ELMO1: variants seen among roughly 807,000 people sequenced by gnomAD.
ELMO1 encodes the protein engulfment and cell motility 1.
ELMO1 carries 26 observed loss-of-function variants against 98.9 expected under a neutral mutation model. That is an observed-to-expected ratio of 0.26 (90% CI 0.19 to 0.36). The LOEUF is 0.36. ELMO1 is among the 10% of genes least tolerant of loss of function. The probability of loss-of-function intolerance (pLI) is 1.00; values close to 1 mark genes in which losing one functional copy is unlikely to be tolerated. For missense variants in ELMO1, 627 were observed against 935.2 expected, an observed-to-expected ratio of 0.67 and a Z score of 4.30; for synonymous variants, 346 against 346.0, an observed-to-expected ratio of 1.00 and a Z score of 0.00.
chr7:37,118,264 C>G (rs747461875), intron 14 of ELMO1, among the ~76,000 whole-genome samples: 1 of 152,146 alleles, frequency 6.6e-6, no homozygotes, highest in Non-Finnish European at 1.5e-5. Context: ...TGTTGTCCTG[C>G]GAGGGATCCA....
At chr7:36,884,062 C>T (rs191897004) in intron 18 of ELMO1, among the ~76,000 whole-genome samples, 45 of 152,290 alleles carry the variant, frequency 3.0e-4, no homozygotes, top group African/African-American at 9.1e-4. Flanking sequence ...TGGCTCACGC[C>T]TGTAATCCCA....
At chr7:37,116,818 G>A (rs1785630469) in intron 14 of ELMO1, 1 of 158,114 alleles carries the variant, frequency 6.3e-6, no homozygotes, top group Non-Finnish European at 1.4e-5. Flanking sequence ...AAGGCAGCCT[G>A]GGTCATCCTA....
intron 7 of ELMO1, among the ~76,000 whole-genome samples, chr7:37,241,237 G>A (rs894080014): frequency 8.6e-5 from 13 of 151,942 alleles, no homozygotes; most frequent in Non-Finnish European, 1.8e-4. Context: ...TTAATGAGGC[G>A]ACCATTTTTA....
chr7:36,877,179 G>C (rs1804051771), intron 19 of ELMO1, among the ~76,000 whole-genome samples: 1 of 152,202 alleles, frequency 6.6e-6, no homozygotes. Context: ...ACGCTTATCT[G>C]AACACTGCAA....
At chr7:37,358,507 C>T (rs767550684) in intron 1 of ELMO1, among the ~76,000 whole-genome samples, 5 of 152,156 alleles carry the variant, frequency 3.3e-5, no homozygotes, top group Non-Finnish European at 7.4e-5. Flanking sequence ...ATTATAAACC[C>T]ATCTGGAACA....
intron 13 of ELMO1, among the ~76,000 whole-genome samples, chr7:37,182,279 C>G (rs1017039080): frequency 3.9e-5 from 6 of 152,074 alleles, no homozygotes; most frequent in Non-Finnish European, 8.8e-5. Flanking sequence ...CCGGCAGATA[C>G]GGTAGGGCAG....
In ELMO1 at chr7:37,416,717, G is replaced by C. The variant is rs569947991; in HGVS notation, c.-74+31958C>G. Among the ~76,000 whole-genome samples, 240 of 152,292 alleles carry C rather than the reference G, an allele frequency of 1.6e-3. 1 individual carries two copies. Among genetic ancestry groups the C allele is most frequent in the African/African-American group, 5.4e-3 (226 of 41,564 alleles). ...GCTTAGCTCTAGATGGAAGCCCAAC[G>C]AAGAAAGTATCTCTAGTTAGTTCAT... On this transcript the variant is annotated intron_variant, in intron 1 of 21. Coordinates refer to ENST00000310758, the MANE Select transcript of ELMO1 (RefSeq NM_014800.11).
chr7:37,445,103 A>G (rs1228948545), intron 1 of ELMO1, among the ~76,000 whole-genome samples: 1 of 152,178 alleles, frequency 6.6e-6, no homozygotes, highest in Non-Finnish European at 1.5e-5. Flanking sequence ...GCTGTTTTCC[A>G]CACCACTCTT....
chr7:37,192,497 C>CAAAAAA (rs535794727), intron 13 of ELMO1, among the ~76,000 whole-genome samples: 1 of 104,418 alleles, frequency 9.6e-6, no homozygotes, highest in Non-Finnish European at 1.9e-5. Flanking sequence ...GACTCCATCT[C>CAAAAAA]AAAAAAAAAA....
intron 14 of ELMO1, among the ~76,000 whole-genome samples, chr7:37,129,128 A>G (rs1786728301): frequency 1.3e-5 from 2 of 151,974 alleles, no homozygotes. Context: ...GCCTACCATC[A>G]TTTATATAGA....
At chr7:37,086,783 T>A (rs1237916815) in intron 15 of ELMO1, among the ~76,000 whole-genome samples, 2 of 129,226 alleles carry the variant, frequency 1.5e-5, no homozygotes, top group East Asian at 3.9e-4. Flanking sequence ...TTGAACTTTC[T>A]TGCCAAAAAA....
chr7:37,308,507 G>A (rs2131063505), intron 4 of ELMO1, among the ~76,000 whole-genome samples: 1 of 152,250 alleles, frequency 6.6e-6, no homozygotes, highest in East Asian at 1.9e-4. Context: ...CTGCCTAAAT[G>A]TCACTTCCTC....
intron 13 of ELMO1, among the ~76,000 whole-genome samples, chr7:37,166,657 T>C: frequency 6.6e-6 from 1 of 151,852 alleles, no homozygotes; most frequent in Middle Eastern, 3.2e-3. Context: ...TTTGAGTGAG[T>C]TTCTTAATCC....
Position 37,406,478 on chromosome 7 carries a change from A to G in ELMO1, c.-74+42197T>C, listed in dbSNP as rs565825822. Among the ~76,000 whole-genome samples, 37 of 152,050 alleles carry G rather than the reference A, an allele frequency of 2.4e-4. 1 individual carries two copies. The South Asian group carries it at 7.3e-3, about 30-fold the overall frequency. On this transcript the variant is annotated intron_variant, in intron 1 of 21. Transcript: ENST00000310758. ...AGAGTCTTGCTCTGTCACCCAGGCT[A>G]GAGTGCAGTGGCGCGATCTCGGCTC...
At position 37,328,383 on chromosome 7, in the gene ELMO1, CAAAAAA is replaced by C. The variant is rs10669717; in HGVS notation, c.79-12429_79-12424del. Among the ~76,000 whole-genome samples, 171 of 64,852 alleles carry C rather than the reference CAAAAAA, an allele frequency of 2.6e-3. 1 individual carries two copies. The highest frequency in any genetic ancestry group is 6.4e-3 in the Admixed American group (31 of 4,874). 42.5% of individuals were successfully genotyped at this position (64,852 alleles called of 152,430 possible). A position where few individuals can be genotyped will look rare whatever the true frequency, so the allele number is the denominator to read the frequency against. On this transcript the variant is annotated intron_variant, in intron 2 of 21. Transcript: ENST00000310758. ...TGGGCAACATAGGGAGACCCTGCCA[CAAAAAA>C]AAAAAAAAAAAAAAAAAAAGATGCT...
intron 13 of ELMO1, among the ~76,000 whole-genome samples, chr7:37,208,268 ACAG>A (rs1792751709): frequency 6.6e-6 from 1 of 152,194 alleles, no homozygotes; most frequent in African/African-American, 2.4e-5. Flanking sequence ...GCCCAGTTTC[ACAG>A]CTGAGAAAAC....
At chr7:36,984,937 G>T (rs993679179) in intron 16 of ELMO1, 464 of 985,274 alleles carry the variant, frequency 4.7e-4, no homozygotes, top group Non-Finnish European at 5.5e-4. Flanking sequence ...CGTTCAGAAT[G>T]ATTATAACTC....
chr7:36,879,196 C>T (rs1342168357), intron 18 of ELMO1, among the ~76,000 whole-genome samples: 2 of 152,214 alleles, frequency 1.3e-5, no homozygotes, highest in Non-Finnish European at 1.5e-5. Context: ...ACAGTCTCTC[C>T]GATGACAGTC....
At chr7:37,268,375 C>T (rs1796368934) in intron 5 of ELMO1, among the ~76,000 whole-genome samples, 1 of 152,202 alleles carries the variant, frequency 6.6e-6, no homozygotes, top group Non-Finnish European at 1.5e-5. Flanking sequence ...GATCTCAGCT[C>T]ACTGTAACCT....
Sources: allele counts gnomAD v4.1 joint callset (sites outside exome capture counted in the v4.1 genomes callset), GRCh38; gene constraint gnomAD v4.1.1; transcripts MANE v1.5; gene names NCBI Gene and HGNC (gene_info 2026-07-23, HGNC 2026-07-21).